CHST10: variants seen among roughly 807,000 people sequenced by gnomAD.
CHST10 encodes the protein HNK-1 sulfotransferase.
In CHST10, 24 loss-of-function variants were observed where a neutral mutation model predicts 34.7. The ratio of observed to expected loss-of-function variants is 0.69; its 90% CI spans 0.50 to 0.97. The LOEUF (loss-of-function observed/expected upper bound fraction) is 0.97. Ranked by LOEUF, CHST10 falls within the 50% of genes least tolerant of loss-of-function variation. The pLI is 0.00. For synonymous variants in CHST10, 161 were observed against 169.3 expected, an observed-to-expected ratio of 0.95 and a Z score of 0.38; for missense variants, 402 against 452.1, an observed-to-expected ratio of 0.89 and a Z score of 1.00.
rs34834152 is a variant in CHST10 at position 100,399,102 on chromosome 2, C to CT, written c.193-961dup. ...TCAGCTGCTACATCTCTCTCTCTCTCTTTTTTTTTTTTTTTTTATGAGACG... is the reference window on the plus strand; with the variant it reads ...TCAGCTGCTACATCTCTCTCTCTCTCTTTTTTTTTTTTTTTTTTATGAGACG... On this transcript the variant is annotated intron_variant, in intron 4 of 6. Coordinates refer to ENST00000264249, the MANE Select transcript of CHST10 (RefSeq NM_004854.5). Among the ~76,000 whole-genome samples, 697 of 137,620 alleles carry CT rather than the reference C, an allele frequency of 5.1e-3. 4 individuals carry two copies. Among genetic ancestry groups the CT allele is most frequent in the African/African-American group, 0.015 (580 of 38,448 alleles). The allele number at this position is 137,620 out of a possible 152,430, so 90.3% of individuals were successfully genotyped here.
intron 2 of CHST10, among the ~76,000 whole-genome samples, chr2:100,411,663 T>C: frequency 6.6e-6 from 1 of 152,238 alleles, no homozygotes; most frequent in Non-Finnish European, 1.5e-5. Flanking sequence ...AGTGTATTCA[T>C]TCATGCAGTA....
At chr2:100,399,486 C>T (rs1675237614) in intron 4 of CHST10, among the ~76,000 whole-genome samples, 1 of 152,192 alleles carries the variant, frequency 6.6e-6, no homozygotes, top group Non-Finnish European at 1.5e-5. Context: ...TGAATGGACC[C>T]AAATATCCTT....
chr2:100,404,912 C>A (rs1395259433), intron 3 of CHST10, among the ~76,000 whole-genome samples: 1 of 152,190 alleles, frequency 6.6e-6, no homozygotes, highest in Non-Finnish European at 1.5e-5. Context: ...TTCTTATTCT[C>A]AGCAGCTCTG....
intron 4 of CHST10, among the ~76,000 whole-genome samples, chr2:100,398,628 C>T (rs191194182): frequency 4.9e-4 from 74 of 152,238 alleles, no homozygotes; most frequent in African/African-American, 1.7e-3. Flanking sequence ...CACCTGAACC[C>T]AGGAGGTGGA....
At chr2:100,404,537 C>T (rs1420965154) in intron 3 of CHST10, among the ~76,000 whole-genome samples, 1 of 152,212 alleles carries the variant, frequency 6.6e-6, no homozygotes, top group Non-Finnish European at 1.5e-5. Context: ...TTCACAAAAC[C>T]CTGTTCTGCG....
At chr2:100,402,773 A>T (rs1235836432) in intron 3 of CHST10, 118 bp from the exon 4 acceptor site, 1 of 776,602 alleles carries the variant, frequency 1.3e-6, no homozygotes, top group Non-Finnish European at 2.1e-6. Flanking sequence ...CTTTTGACAA[A>T]GCCATAAAAG....
In CHST10 at chr2:100,398,342, C is replaced by T. The variant is rs141154724; in HGVS notation, c.193-200G>A. 3.7e-3 allele frequency among the ~76,000 whole-genome samples: 559 copies of T among 152,250 alleles called. 2 individuals are homozygous for T. The highest frequency in any genetic ancestry group is 6.6e-3 in the South Asian group (32 of 4,822). ...TTCAGAGCCTCTCCACCAGCCCGAT[C>T]GGCAGGCTGGGCAAGGAAAATGAAT... On this transcript the variant is annotated intron_variant, in intron 4 of 6. Coordinates refer to ENST00000264249, the MANE Select transcript of CHST10 (RefSeq NM_004854.5).
At chr2:100,401,433 C>T (rs763878621) in intron 4 of CHST10, among the ~76,000 whole-genome samples, 1 of 152,152 alleles carries the variant, frequency 6.6e-6, no homozygotes, top group Non-Finnish European at 1.5e-5. Flanking sequence ...CACCCTCCAC[C>T]CGGAGAGGGA....
At chr2:100,405,372 C>A (rs570149994) in intron 3 of CHST10, among the ~76,000 whole-genome samples, 1 of 152,224 alleles carries the variant, frequency 6.6e-6, no homozygotes, top group Non-Finnish European at 1.5e-5. Context: ...GGCCCAACAA[C>A]TGTCATGGGG....
At chr2:100,411,293 G>A (rs1675826970) in intron 2 of CHST10, among the ~76,000 whole-genome samples, 1 of 151,964 alleles carries the variant, frequency 6.6e-6, no homozygotes, top group Non-Finnish European at 1.5e-5. Context: ...TATATTTTTA[G>A]TAGAGATGGG....
At chr2:100,403,854 C>T (rs1486355890) in intron 3 of CHST10, among the ~76,000 whole-genome samples, 2 of 152,230 alleles carry the variant, frequency 1.3e-5, no homozygotes, top group Non-Finnish European at 2.9e-5. Flanking sequence ...CCCTTTATGG[C>T]CACGAGCTTA....
chr2:100,409,800 A>C (rs1009052520), intron 2 of CHST10, among the ~76,000 whole-genome samples: 2 of 152,212 alleles, frequency 1.3e-5, no homozygotes, highest in Non-Finnish European at 2.9e-5. Flanking sequence ...GTTCTTTCAC[A>C]TGGGTATTTC....
intron 3 of CHST10, among the ~76,000 whole-genome samples, chr2:100,403,792 A>C (rs1354770950): frequency 2.0e-5 from 3 of 152,242 alleles, no homozygotes; most frequent in Non-Finnish European, 2.9e-5. Flanking sequence ...CTTCTGGTTC[A>C]TAATCAAAAA....
intron 5 of CHST10, among the ~76,000 whole-genome samples, chr2:100,397,051 T>C (rs1675094086): frequency 6.6e-6 from 1 of 152,146 alleles, no homozygotes; most frequent in Non-Finnish European, 1.5e-5. Flanking sequence ...CCACCGACTC[T>C]GTGGGCAGCA....
intron 3 of CHST10, among the ~76,000 whole-genome samples, chr2:100,405,609 G>A (rs1458009083): frequency 6.6e-6 from 1 of 152,212 alleles, no homozygotes; most frequent in Non-Finnish European, 1.5e-5. Context: ...CCTCCAGGAA[G>A]AACTGCTGGC....
intron 2 of CHST10, among the ~76,000 whole-genome samples, chr2:100,409,974 G>A (rs1250382528): frequency 1.3e-5 from 2 of 152,146 alleles, no homozygotes; most frequent in Non-Finnish European, 2.9e-5. Context: ...CCCCGGGATG[G>A]TACCAGGACA....
intron 2 of CHST10, among the ~76,000 whole-genome samples, chr2:100,411,935 G>A (rs1381157255): frequency 1.3e-5 from 2 of 152,186 alleles, no homozygotes; most frequent in Non-Finnish European, 2.9e-5. Context: ...GTAACTAAAC[G>A]CAGGCCCATG....
rs1200975250 is a variant in CHST10 at position 100,417,483 on chromosome 2, A to C, written c.-213T>G. 1 of 153,842 alleles carries C rather than the reference A, an allele frequency of 6.5e-6. No individual in the cohort carries two copies. Among genetic ancestry groups the C allele is most frequent in the Non-Finnish European group, 1.4e-5 (1 of 69,332 alleles). The allele number at this position is 153,842 out of a possible 1,614,324, so 9.5% of individuals were successfully genotyped here. ...TGGGCGAAGCGCGCGGGGTCCTGGG[A>C]GCTCGGGAGGCCCGCCCCACCTTGC... On this transcript the variant is annotated 5_prime_UTR_variant, in exon 1 of 7. Coordinates refer to ENST00000264249, the MANE Select transcript of CHST10 (RefSeq NM_004854.5).
At chr2:100,395,400 TG>T in intron 6 of CHST10, 108 bp downstream of exon 6, 3 of 881,348 alleles carry the variant, frequency 3.4e-6, no homozygotes, top group Non-Finnish European at 5.4e-6. Flanking sequence ...CAGCCCTCTG[TG>T]GTCCTCCGAT....
Sources: allele counts gnomAD v4.1 joint callset (sites outside exome capture counted in the v4.1 genomes callset), GRCh38; gene constraint gnomAD v4.1.1; transcripts MANE v1.5; gene names NCBI Gene and HGNC (gene_info 2026-07-23, HGNC 2026-07-21).